Variants in DNAH9 observed in about 807,000 individuals in gnomAD.
The protein encoded by DNAH9 is dynein axonemal heavy chain 9, also known as DNAH9 variant protein.
A neutral mutation model predicts 471.6 loss-of-function variants in DNAH9; 345 were observed. That is an observed-to-expected ratio of 0.73 (90% CI 0.67 to 0.80). The LOEUF (loss-of-function observed/expected upper bound fraction) is 0.80, where lower values mean the gene tolerates loss of function less well. Ranked by LOEUF, DNAH9 falls within the 30% of genes least tolerant of loss-of-function variation. DNAH9 has a pLI of 0.00. For missense variants in DNAH9, 5,407 were observed against 5,609.2 expected (o/e 0.96, Z 1.15); for synonymous variants, 2,093 against 2,123.6 (o/e 0.99, Z 0.40).
chr17:11,650,627 A>G (rs1297813299), intron 12 of DNAH9, among the ~76,000 whole-genome samples: 3 of 152,226 alleles, frequency 2.0e-5, no homozygotes, highest in Admixed American at 6.5e-5. Flanking sequence ...TAACTGTTTC[A>G]TTTGGAGAGA....
chr17:11,812,336 A>C (rs1307608129), intron 45 of DNAH9, among the ~76,000 whole-genome samples: 2 of 151,256 alleles, frequency 1.3e-5, no homozygotes, highest in Non-Finnish European at 2.9e-5. Context: ...TGTTTAGTTT[A>C]TAAGGTCCAA....
In DNAH9 at chr17:11,797,699, C is replaced by G; in HGVS notation, c.8326C>G (p.Leu2776Val). The G allele has an allele frequency of 6.2e-7, 1 of 1,614,204 alleles. No individual in the cohort carries two copies. The highest frequency in any genetic ancestry group is 1.6e-4 in the Middle Eastern group (1 of 6,062). The part of the protein sequence containing the change: ...PKYMPVQSWE[L>V]LTQTLVEALE... ...ATACATGCCTGTACAGTCTTGGGAA[C>G]TTTTGACCCAGACTCTGGTGGAGGC... The change falls in exon 43 of 69, where the codon CTT becomes GTT. Residue 2776 changes from leucine (L) to valine (V), a missense_variant. Around this residue, in one of 3 missense-constraint regions of DNAH9, gnomAD observed 4,636 missense variants for 4,900.3 expected, o/e 0.95. Transcript: ENST00000262442.
At chr17:11,647,582 C>G (rs972947600) in intron 12 of DNAH9, among the ~76,000 whole-genome samples, 5 of 152,128 alleles carry the variant, frequency 3.3e-5, no homozygotes, top group African/African-American at 1.2e-4. Flanking sequence ...CAAAAGATCA[C>G]CAATCATTTG....
chr17:11,635,979 G>GT (rs1033651606), intron 8 of DNAH9, among the ~76,000 whole-genome samples: 9 of 132,640 alleles, frequency 6.8e-5, no homozygotes, highest in African/African-American at 1.1e-4. Context: ...TCTAGGTTTT[G>GT]TTTTTTTTGT....
At chr17:11,621,843 A>G (rs1440880099) in intron 6 of DNAH9, among the ~76,000 whole-genome samples, 2 of 152,176 alleles carry the variant, frequency 1.3e-5, no homozygotes, top group African/African-American at 4.8e-5. Flanking sequence ...GCACTTTAGG[A>G]GGCCGAGGCA....
chr17:11,830,329 G>A (rs1970643427), intron 48 of DNAH9, among the ~76,000 whole-genome samples: 1 of 152,170 alleles, frequency 6.6e-6, no homozygotes, highest in Non-Finnish European at 1.5e-5. Context: ...AGGAAAAGAG[G>A]GTTGTTGGAT....
chr17:11,937,374 C>A lies in DNAH9; in HGVS notation c.12512C>A (p.Pro4171Gln). 1 of 1,611,244 alleles carries A rather than the reference C, an allele frequency of 6.2e-7. No individual in the cohort carries two copies. Among genetic ancestry groups the A allele is most frequent in the Non-Finnish European group, 8.5e-7 (1 of 1,178,890 alleles). The part of the protein sequence containing the change: ...YHQYIDAELP[P>Q]ESPYLYGLHP... ...CAGTACATCGATGCTGAGCTGCCCC[C>A]AGAATCCCCCTACCTCTATGGCCTC... Residue 4171 changes from proline to glutamine, a missense_variant, in exon 66 of 69, where the codon CCA becomes CAA. Physicochemically the swap from Pro to Gln is moderately conservative, Grantham distance 76. This residue lies in a region of DNAH9 where 4,636 missense variants were observed against 4,900.3 expected (regional missense o/e 0.95). Transcript: ENST00000262442. The surrounding 1 kb of genome is among the most constrained non-coding windows in gnomAD (Gnocchi z 4.1).
intron 38 of DNAH9, among the ~76,000 whole-genome samples, chr17:11,777,834 A>G (rs1240240912): frequency 1.3e-5 from 2 of 152,246 alleles, no homozygotes; most frequent in Admixed American, 6.5e-5. Context: ...TTAATGACAC[A>G]AATCATAGTG....
chr17:11,804,860 C>A (rs1398776006), intron 43 of DNAH9, among the ~76,000 whole-genome samples: 1 of 148,316 alleles, frequency 6.7e-6, no homozygotes. Context: ...GACGACAGAG[C>A]GAGACTCTGT....
chr17:11,739,832 C>T (rs1473822167), intron 29 of DNAH9, among the ~76,000 whole-genome samples: 1 of 152,180 alleles, frequency 6.6e-6, no homozygotes, highest in Non-Finnish European at 1.5e-5. Flanking sequence ...TGCTTCATGG[C>T]TTCTGATCTT....
chr17:11,733,203 C>T (rs948196961), intron 28 of DNAH9, among the ~76,000 whole-genome samples: 5 of 152,112 alleles, frequency 3.3e-5, no homozygotes, highest in Non-Finnish European at 7.4e-5. Context: ...AAGAGAATGA[C>T]CACAGGGGAC....
chr17:11,846,013 C>A (rs1971211544), intron 49 of DNAH9, among the ~76,000 whole-genome samples: 1 of 152,154 alleles, frequency 6.6e-6, no homozygotes, highest in Admixed American at 6.5e-5. Flanking sequence ...TTAATTACAT[C>A]CCATTTGTCA....
At chr17:11,731,136 A>G (rs977649896) in intron 28 of DNAH9, among the ~76,000 whole-genome samples, 1 of 135,382 alleles carries the variant, frequency 7.4e-6, no homozygotes, top group Non-Finnish European at 1.6e-5. Context: ...TGACGTTGAT[A>G]ATGACAGTGA....
chr17:11,774,213 T>G (rs1968331410), intron 38 of DNAH9, among the ~76,000 whole-genome samples: 1 of 147,556 alleles, frequency 6.8e-6, no homozygotes, highest in African/African-American at 2.6e-5. Context: ...TTCCTGCCCC[T>G]TATTAACTAG....
At chr17:11,933,143 T>C (rs1456906047) in intron 64 of DNAH9, among the ~76,000 whole-genome samples, 1 of 152,174 alleles carries the variant, frequency 6.6e-6, no homozygotes, top group Non-Finnish European at 1.5e-5. Flanking sequence ...GCTTTGTTTA[T>C]TCCCTTTGAA....
At position 11,608,328 on chromosome 17, in the gene DNAH9, A is replaced by C; in HGVS notation, c.614+3A>C. On this transcript the variant is annotated splice_donor_region_variant and intron_variant, in intron 2 of 68. Coordinates refer to ENST00000262442, the MANE Select transcript of DNAH9 (RefSeq NM_001372.4). Reference sequence around the variant, plus strand: ...GCGGATTCCAAAAGTGAGACAGTGTAAGTACCGCCAGCCTGGCCATATGGG... The same window carrying C: ...GCGGATTCCAAAAGTGAGACAGTGTCAGTACCGCCAGCCTGGCCATATGGG... 1 of 1,595,784 alleles carries C rather than the reference A, an allele frequency of 6.3e-7. No individual in the cohort carries two copies. The highest frequency in any genetic ancestry group is 8.5e-7 in the Non-Finnish European group (1 of 1,170,734).
Position 11,946,687 on chromosome 17 carries a change from G to GA in DNAH9, c.12843+4212dup, listed in dbSNP as rs1198637342. On this transcript the variant is annotated intron_variant, in intron 67 of 68. Transcript: ENST00000262442. ...TCAAAAAAAAAAAAAAAAAGAAAAA[G>GA]AAAAAAAAAATCTGCACTTGTACCC... is the stretch of plus-strand genomic sequence containing the variant. Among the ~76,000 whole-genome samples, 355 of 128,124 alleles carry GA rather than the reference G, an allele frequency of 2.8e-3. 2 individuals carry two copies. The highest frequency in any genetic ancestry group is 9.0e-3 in the African/African-American group (314 of 34,802). 84.1% of individuals were successfully genotyped at this position (128,124 alleles called of 152,430 possible). A position where few individuals can be genotyped will look rare whatever the true frequency, so the allele number is the denominator to read the frequency against.
chr17:11,869,102 G>T, intron 50 of DNAH9, 32 bp from the exon 51 acceptor site: 1 of 1,608,522 alleles, frequency 6.2e-7, no homozygotes, highest in South Asian at 1.1e-5. Context: ...GGGCCGAAAT[G>T]ACTGATGGTC....
Position 11,628,568 on chromosome 17 carries a change from C to T in DNAH9, c.1351-849C>T, listed in dbSNP as rs762075078. 3.9e-5 allele frequency among the ~76,000 whole-genome samples: 6 copies of T among 152,188 alleles called. No homozygotes were observed. In the East Asian group the frequency reaches 5.8e-4, roughly 15 times the overall value. ...GCGGCAGGGTGTAACATCCTATGCA[C>T]GCCCAGCGAGGGCGCCCTGCAGGAG... On this transcript the variant is annotated intron_variant, in intron 6 of 68. Transcript: ENST00000262442.
Sources: gnomAD v4.1 joint callset for allele counts (sites outside exome capture counted in the v4.1 genomes callset) on GRCh38, gnomAD v4.1.1 for gene constraint, gnomAD v4.1.1 regional missense constraint, Gnocchi (gnomAD v3.1) non-coding constraint, MANE v1.5 for transcripts, NCBI Gene and HGNC (gene_info 2026-07-23, HGNC 2026-07-21) for gene names.